Variants in XG observed in about 807,000 individuals in gnomAD.
XG encodes glycoprotein Xg.
XG carries 24 observed loss-of-function variants against 25.7 expected under a neutral mutation model. The ratio of observed to expected loss-of-function variants is 0.93; its 90% confidence interval spans 0.68 to 1.31. The LOEUF (loss-of-function observed/expected upper bound fraction) is 1.31. XG is among the 40% of genes most tolerant of loss of function. The probability of loss-of-function intolerance (pLI) is 0.00; values close to 1 mark genes in which losing one functional copy is unlikely to be tolerated. For synonymous variants in XG, 77 were observed against 69.2 expected (o/e 1.11, Z -0.56); for missense variants, 181 against 187.6 (o/e 0.96, Z 0.21).
chrX:2,752,062 T>A lies in XG; in HGVS notation c.-213T>A. 1.5e-6 allele frequency: 1 copy of A among 684,778 alleles called. No individual in the cohort carries two copies. Among genetic ancestry groups the A allele is most frequent in the Admixed American group, 2.9e-5 (1 of 33,930 alleles). 42.4% of individuals were successfully genotyped at this position (684,778 alleles called of 1,614,324 possible). ...GACACACGACTGAGTGTGCCTACAC[T>A]GGTCCCACAGGTTTTCAGCTGTGGA... On this transcript the variant is annotated 5_prime_UTR_variant, in exon 1 of 11. Transcript: ENST00000644266.
chrX:2,789,669 C>T lies in XG; in HGVS notation c.216C>T (p.Arg72=). ...GGNIYPRPKP[R]PQPQPGNSGN... ...ATATCTACCCAAGGCCAAAGCCACG[C>T]CCTCAACCCCAGCCTGGCAATTCCG... The change falls in exon 5 of 11, where the codon CGC becomes CGT. Residue 72 remains arginine (R), a synonymous_variant. Coordinates refer to ENST00000644266, the MANE Select transcript of XG (RefSeq NM_001141919.2). The T allele has an allele frequency of 8.6e-7, 1 of 1,164,489 alleles. No homozygotes were observed. The highest frequency in any genetic ancestry group is 1.1e-6 in the Non-Finnish European group (1 of 870,948).
intron 9 of XG, chrX:2,808,581 A>G: frequency 1.3e-6 from 1 of 752,964 alleles, no homozygotes; most frequent in Non-Finnish European, 1.6e-6. Flanking sequence ...AAAGGAAGGT[A>G]TGAACACTCT....
intron 7 of XG, among the ~76,000 whole-genome samples, chrX:2,801,786 G>C (rs1202535254): frequency 2.7e-5 from 3 of 110,895 alleles, no homozygotes; most frequent in Non-Finnish European, 5.7e-5. Context: ...TCGGCTCACT[G>C]CAAGCTCCGC....
intron 7 of XG, among the ~76,000 whole-genome samples, chrX:2,798,896 T>C (rs1258824054): frequency 9.1e-6 from 1 of 109,594 alleles, no homozygotes; most frequent in Non-Finnish European, 1.9e-5. Flanking sequence ...TTCTTTTTTT[T>C]TTTTTAAGAT....
At chrX:2,774,606 A>C (rs181276290) in intron 2 of XG, 110 bp from the exon 3 acceptor site, 1,487 of 1,206,032 alleles carry the variant, frequency 1.2e-3, no homozygotes, top group Non-Finnish European at 1.7e-3. Context: ...TTTACTTTGT[A>C]TGGCTTTGTC....
At position 2,782,082 on chromosome X, in the gene XG, A is replaced by G; in HGVS notation, c.144A>G (p.Pro48=). 1 of 1,211,757 alleles carries G rather than the reference A, an allele frequency of 8.3e-7. No homozygotes were observed. Among genetic ancestry groups the G allele is most frequent in the Non-Finnish European group, 1.1e-6 (1 of 895,379 alleles). The part of the protein sequence containing the change: ...KKPNSDIYPK[P]KPPYYPQPEN... ...CCTCCACAGATATCTACCCAAAGCC[A>G]AAACCACCTTACTACCCACAGCCCG... is the stretch of plus-strand genomic sequence containing the variant. The change falls in exon 4 of 11, where the codon CCA becomes CCG. Residue 48 remains proline, a synonymous_variant. Coordinates refer to ENST00000644266, the MANE Select transcript of XG (RefSeq NM_001141919.2).
At chrX:2,808,092 T>A in intron 8 of XG, 93 bp from the exon 9 acceptor site, 15 of 985,111 alleles carry the variant, frequency 1.5e-5, no homozygotes, top group Non-Finnish European at 1.4e-5. Context: ...ATCTGTGTGC[T>A]GTGTTCACAG....
At chrX:2,805,203 G>A (rs779868951) in intron 7 of XG, among the ~76,000 whole-genome samples, 213 of 112,731 alleles carry the variant, frequency 1.9e-3, no homozygotes, top group African/African-American at 6.6e-3. Context: ...GGCTGGCCGC[G>A]GAGGGAAGCC....
rs2050343894 is a variant in XG, at chrX:2,752,212, G to T, written c.-63G>T. The T allele has an allele frequency of 3.7e-6, 6 of 1,611,754 alleles. No individual in the cohort carries two copies. Among genetic ancestry groups the T allele is most frequent in the Admixed American group, 1.7e-5 (1 of 59,928 alleles). ...AAGTCAACAACAGGAGGGTGGAGAG[G>T]CCGGGTCTCACAATCCGCTTGGCTG... On this transcript the variant is annotated 5_prime_UTR_variant, in exon 1 of 11. Transcript: ENST00000644266.
rs1450909767 is a variant in XG, at chrX:2,815,408, G to T, written c.*1028G>T. The T allele has an allele frequency of 9.0e-6, 1 of 111,708 alleles. No individual in the cohort carries two copies. Among genetic ancestry groups the T allele is most frequent in the African/African-American group, 3.2e-5 (1 of 30,772 alleles). 9.2% of individuals were successfully genotyped at this position (111,708 alleles called of 1,213,427 possible). A position where few individuals can be genotyped will look rare whatever the true frequency, so the allele number is the denominator to read the frequency against. On this transcript the variant is annotated 3_prime_UTR_variant, in exon 11 of 11. Coordinates refer to ENST00000644266, the MANE Select transcript of XG (RefSeq NM_001141919.2). Reference sequence around the variant, plus strand: ...CATAAATATCAGAACCAAAGATCAAGACATTCATGTACAGTCTGGAATGTA... The same window carrying T: ...CATAAATATCAGAACCAAAGATCAATACATTCATGTACAGTCTGGAATGTA...
At chrX:2,808,594 C>T (rs1475873649) in intron 9 of XG, 1 of 742,564 alleles carries the variant, frequency 1.3e-6, no homozygotes, top group Non-Finnish European at 1.6e-6. Flanking sequence ...AACACTCTGC[C>T]CAAAGAAGCC....
intron 4 of XG, among the ~76,000 whole-genome samples, chrX:2,787,151 C>T (rs1330509371): frequency 9.4e-6 from 1 of 106,479 alleles, no homozygotes; most frequent in Non-Finnish European, 1.9e-5. Flanking sequence ...TCTCAGACTT[C>T]CAGCCTCCAG....
intron 10 of XG, among the ~76,000 whole-genome samples, chrX:2,813,071 T>C (rs1243241651): frequency 8.9e-6 from 1 of 112,515 alleles, no homozygotes; most frequent in Non-Finnish European, 1.9e-5. Context: ...CCCATTTATC[T>C]GAGGTGGAAG....
intron 7 of XG, among the ~76,000 whole-genome samples, chrX:2,805,241 G>C (rs973256850): frequency 2.7e-5 from 3 of 112,634 alleles, no homozygotes; most frequent in African/African-American, 9.7e-5. Context: ...GCGGAGACTG[G>C]GGAGAAAATG....
chrX:2,800,486 G>A (rs926515483), intron 7 of XG, among the ~76,000 whole-genome samples: 9 of 112,216 alleles, frequency 8.0e-5, no homozygotes, highest in South Asian at 7.4e-4. Context: ...TTTGATGTCC[G>A]TCATCTTCGT....
chrX:2,801,490 C>T (rs1266354856), intron 7 of XG, among the ~76,000 whole-genome samples: 1 of 110,775 alleles, frequency 9.0e-6, no homozygotes, highest in Non-Finnish European at 1.9e-5. Flanking sequence ...CTACATAGTG[C>T]GTGGGGAAGG....
intron 1 of XG, among the ~76,000 whole-genome samples, chrX:2,755,897 A>G (rs1010067953): frequency 4.6e-5 from 7 of 152,086 alleles, no homozygotes; most frequent in Admixed American, 6.5e-5. Context: ...ACTTAAGAAA[A>G]CAGATTATTG....
chrX:2,807,441 CAT>C (rs1391396432), intron 8 of XG, among the ~76,000 whole-genome samples: 11 of 111,162 alleles, frequency 9.9e-5, no homozygotes, highest in African/African-American at 2.9e-4. Flanking sequence ...CACACACACA[CAT>C]GAATGTGTTT....
chrX:2,780,717 C>A (rs1032763344), intron 3 of XG, among the ~76,000 whole-genome samples: 61 of 121,586 alleles, frequency 5.0e-4, no homozygotes, highest in African/African-American at 1.5e-3. Flanking sequence ...GACTCTGTCT[C>A]AAAAAAAAAA....
Sources: gnomAD v4.1 joint callset for allele counts (sites outside exome capture counted in the v4.1 genomes callset) on GRCh38, gnomAD v4.1.1 for gene constraint, MANE v1.5 for transcripts, NCBI Gene and HGNC (gene_info 2026-07-23, HGNC 2026-07-21) for gene names.